GSE1: variants seen among roughly 807,000 people sequenced by gnomAD.
The protein encoded by GSE1 is genetic suppressor element 1.
GSE1 carries 32 observed loss-of-function variants against 112.6 expected under a neutral mutation model. The observed-to-expected ratio is 0.28, with a 90% CI of 0.21 to 0.38. The LOEUF (loss-of-function observed/expected upper bound fraction) is 0.38, where lower values mean the gene tolerates loss of function less well. Ranked by LOEUF, GSE1 falls within the 10% of genes least tolerant of loss-of-function variation. The pLI is 1.00. For synonymous variants in GSE1, 1,115 were observed against 735.6 expected (o/e 1.52, Z -8.35); for missense variants, 2,348 against 1,699.2 (o/e 1.38, Z -6.71).
At chr16:85,272,229 G>A (rs1176727971) in intron 1 of GSE1, among the ~76,000 whole-genome samples, 1 of 152,240 alleles carries the variant, frequency 6.6e-6, no homozygotes, top group African/African-American at 2.4e-5. Context: ...GCGTGGAGCG[G>A]ATAGGGGCCC....
chr16:85,366,690 C>T (rs762008217), intron 2 of GSE1, among the ~76,000 whole-genome samples: 1 of 152,070 alleles, frequency 6.6e-6, no homozygotes. Flanking sequence ...CCCTTGCTAG[C>T]GTGTGACTCT....
chr16:85,665,147 C>T lies in GSE1; in HGVS notation c.2758+19C>T, dbSNP rs2052737189. On this transcript the variant is annotated intron_variant, in intron 12 of 15. Transcript: ENST00000253458. ...CTGAGTGGTAAGGGAAGGATAGCCC[C>T]ACCTGCCACCACCCAGGACCATCCC... 9.2e-6 allele frequency: 13 copies of T among 1,408,000 alleles called. No homozygotes were observed. The East Asian group carries it at 1.1e-4, about 12-fold the overall frequency. 87.2% of individuals were successfully genotyped at this position (1,408,000 alleles called of 1,614,324 possible).
intron 1 of GSE1, among the ~76,000 whole-genome samples, chr16:85,586,380 G>C (rs558237302): frequency 6.6e-6 from 1 of 152,318 alleles, no homozygotes; most frequent in African/African-American, 2.4e-5. Context: ...TGAGGTTCCC[G>C]AGTGCCGAGT....
At chr16:85,376,982 G>C (rs890910936) in intron 2 of GSE1, among the ~76,000 whole-genome samples, 3 of 152,256 alleles carry the variant, frequency 2.0e-5, no homozygotes, top group Admixed American at 6.5e-5. Context: ...TGGCCGTTTG[G>C]CCAGAGTTGC....
chr16:85,169,651 C>G, exon 1 of GSE1: 5 of 983,578 alleles, frequency 5.1e-6, no homozygotes, highest in Non-Finnish European at 6.0e-6. Flanking sequence ...CGGCAAGGAG[C>G]TGAAGCTGCA....
chr16:85,641,691 G>A (rs189107754), intron 2 of GSE1, among the ~76,000 whole-genome samples: 1 of 152,254 alleles, frequency 6.6e-6, no homozygotes, highest in African/African-American at 2.4e-5. Context: ...TTCCAGACCC[G>A]CACCATTCCC....
At chr16:85,582,843 G>A (rs1440114198) in intron 1 of GSE1, among the ~76,000 whole-genome samples, 2 of 152,326 alleles carry the variant, frequency 1.3e-5, no homozygotes, top group East Asian at 1.9e-4. Flanking sequence ...GCCAGTGATC[G>A]GGAGGCAGCA....
intron 1 of GSE1, among the ~76,000 whole-genome samples, chr16:85,632,905 A>G (rs2049660338): frequency 6.6e-6 from 1 of 152,060 alleles, no homozygotes; most frequent in African/African-American, 2.4e-5. Flanking sequence ...GCTTTTATTG[A>G]TTGGACACAC....
intron 2 of GSE1, among the ~76,000 whole-genome samples, chr16:85,498,907 G>T (rs923338527): frequency 6.6e-6 from 1 of 152,270 alleles, no homozygotes; most frequent in Non-Finnish European, 1.5e-5. Context: ...GGCCTGGGCT[G>T]ACAGGCCGTG....
At chr16:85,461,148 G>T (rs1191658037) in intron 2 of GSE1, among the ~76,000 whole-genome samples, 1 of 152,212 alleles carries the variant, frequency 6.6e-6, no homozygotes, top group African/African-American at 2.4e-5. Flanking sequence ...CCTGGTGGGG[G>T]ATTGGCTCAC....
chr16:85,304,077 C>G (rs993301949), intron 1 of GSE1, among the ~76,000 whole-genome samples: 5 of 152,248 alleles, frequency 3.3e-5, no homozygotes, highest in African/African-American at 1.2e-4. Flanking sequence ...CCCTTGGCCT[C>G]CTGAGGTCCC....
intron 1 of GSE1, among the ~76,000 whole-genome samples, chr16:85,601,085 G>A (rs2047444045): frequency 6.6e-6 from 1 of 152,090 alleles, no homozygotes; most frequent in Admixed American, 6.5e-5. Flanking sequence ...AAGAGGTCAG[G>A]GTTTGAATAA....
At chr16:85,647,310 G>C (rs1308150431) in intron 2 of GSE1, among the ~76,000 whole-genome samples, 1 of 152,212 alleles carries the variant, frequency 6.6e-6, no homozygotes, top group Admixed American at 6.5e-5. Flanking sequence ...CATCCCTGCT[G>C]CGTTTTGGGG....
chr16:85,666,104 G>C lies in GSE1; in HGVS notation c.2887G>C (p.Val963Leu), dbSNP rs751114559. 7.6e-5 allele frequency: 122 copies of C among 1,613,148 alleles called. No individual in the cohort carries two copies. Among genetic ancestry groups the C allele is most frequent in the Non-Finnish European group, 9.0e-5 (106 of 1,179,968 alleles). The change falls in exon 13 of 16, where the codon GTC becomes CTC. Residue 963 changes from valine (V) to leucine (L), a missense_variant. Val to Leu is a conservative substitution (Grantham distance 32, BLOSUM62 1). Transcript: ENST00000253458. ...EQVRPQELSR[V>L]QELAPASGEK... Reference sequence around the variant, plus strand: ...GGTCCGGCCCCAGGAGCTGTCGAGAGTCCAGGAGCTAGCTCCTGCCAGCGG... The same window carrying C: ...GGTCCGGCCCCAGGAGCTGTCGAGACTCCAGGAGCTAGCTCCTGCCAGCGG...
chr16:85,308,216 C>G (rs1010939408), intron 1 of GSE1, among the ~76,000 whole-genome samples: 1 of 152,190 alleles, frequency 6.6e-6, no homozygotes, highest in African/African-American at 2.4e-5. Context: ...AGGAAGCCCT[C>G]AGCTCTGAAG....
At chr16:85,566,230 G>A (rs1011179749) in intron 1 of GSE1, among the ~76,000 whole-genome samples, 2 of 152,214 alleles carry the variant, frequency 1.3e-5, no homozygotes, top group East Asian at 3.8e-4. Context: ...CTGGAAGAGG[G>A]GGACCCCACC....
intron 1 of GSE1, among the ~76,000 whole-genome samples, chr16:85,249,860 G>C (rs1406369389): frequency 6.6e-6 from 1 of 152,250 alleles, no homozygotes; most frequent in South Asian, 2.1e-4. Flanking sequence ...CATCGCTCCA[G>C]TTGTCCTCCA....
rs77036563 is a variant in GSE1, at chr16:85,545,332, G to T, written c.2465-88582G>T. Among the ~76,000 whole-genome samples the T allele has an allele frequency of 7.2e-3, 1,097 of 152,366 alleles. 11 individuals are homozygous for T. Among genetic ancestry groups the T allele is most frequent in the African/African-American group, 0.024 (1,015 of 41,582 alleles). On this transcript the variant is annotated intron_variant, in intron 2 of 2. Transcript: ENST00000637419. Reference sequence around the variant, plus strand: ...TTCCCAAATACTGAGCTTGCTGGCAGCTTGCTCCAGGGGCAGCCCCAAAAT... The same window carrying T: ...TTCCCAAATACTGAGCTTGCTGGCATCTTGCTCCAGGGGCAGCCCCAAAAT...
At chr16:85,655,684 C>T in intron 5 of GSE1, 42 bp from the exon 6 acceptor site, 2 of 1,416,682 alleles carry the variant, frequency 1.4e-6, no homozygotes, top group South Asian at 2.6e-5. Flanking sequence ...GGGTCTTCCC[C>T]TTGGTTCATT....
Sources: gnomAD v4.1 joint callset for allele counts (sites outside exome capture counted in the v4.1 genomes callset) on GRCh38, gnomAD v4.1.1 for gene constraint, MANE v1.5 for transcripts, NCBI Gene and HGNC (gene_info 2026-07-23, HGNC 2026-07-21) for gene names.